TAF8: variants seen among roughly 807,000 people sequenced by gnomAD.
The protein encoded by TAF8 is transcription initiation factor TFIID subunit 8.
Under a neutral mutation model 36.5 loss-of-function variants are expected in TAF8, and 47 were observed. The observed-to-expected ratio is 1.29, with a 90% CI of 1.02 to 1.64. The LOEUF (loss-of-function observed/expected upper bound fraction) is 1.64. Among genes scored for constraint, TAF8 ranks in the 40% most tolerant of loss-of-function variants. The pLI is 0.00. For missense variants in TAF8, 420 were observed against 407.6 expected (o/e 1.03, Z -0.26); for synonymous variants, 175 against 159.5 (o/e 1.10, Z -0.73).
intron 2 of TAF8, among the ~76,000 whole-genome samples, chr6:42,054,219 T>C (rs1314373425): frequency 2.6e-5 from 4 of 152,128 alleles, no homozygotes; most frequent in Non-Finnish European, 5.9e-5. Context: ...ACCTTTCCCC[T>C]TTCCCCAAAA....
chr6:42,059,027 G>A (rs963462528), intron 5 of TAF8, among the ~76,000 whole-genome samples: 6 of 152,118 alleles, frequency 3.9e-5, no homozygotes, highest in Non-Finnish European at 5.9e-5. Flanking sequence ...AGTTTTTAAG[G>A]ATAATGTGGT....
intron 5 of TAF8, among the ~76,000 whole-genome samples, chr6:42,058,213 A>G (rs1392839628): frequency 6.6e-6 from 1 of 152,056 alleles, no homozygotes; most frequent in Non-Finnish European, 1.5e-5. Flanking sequence ...GTGAAACCCC[A>G]TCTCTACTAA....
At chr6:42,057,776 G>GA (rs34302758) in intron 5 of TAF8, 216,873 of 334,850 alleles carry the variant, frequency 0.65, 60,697 homozygotes, top group African/African-American at 0.78. Context: ...AATAAATAAA[G>GA]AAAAAAAAAA....
rs60628172 is a variant in TAF8, at chr6:42,081,190, T to TGTGTGC, written c.*3646_*3647insTGTGCG. On this transcript the variant is annotated 3_prime_UTR_variant, in exon 9 of 9. Coordinates refer to ENST00000372977, the MANE Select transcript of TAF8 (RefSeq NM_138572.3). ...CCTGGAGTGTGTGTGTGTGTGTGTG[T>TGTGTGC]GCGTGTGTGTGCGTGTGAGACAGAG... The TGTGTGC allele has an allele frequency of 3.5e-3, 544 of 154,650 alleles. 4 individuals are homozygous for TGTGTGC. The highest frequency in any genetic ancestry group is 6.3e-3 in the African/African-American group (258 of 41,196). 9.6% of individuals were successfully genotyped at this position (154,650 alleles called of 1,614,324 possible).
chr6:42,056,121 G>A (rs1764979862), intron 4 of TAF8, 107 bp downstream of exon 4: 2 of 757,374 alleles, frequency 2.6e-6, no homozygotes, highest in Admixed American at 2.0e-5. Flanking sequence ...CCTTGTTGTG[G>A]GCTCTCTTCC....
intron 1 of TAF8, 26 bp downstream of exon 1, chr6:42,050,612 A>G: frequency 6.5e-7 from 1 of 1,539,998 alleles, no homozygotes; most frequent in South Asian, 1.2e-5. Flanking sequence ...GCGGGCTCGG[A>G]GCCGAGAGAG....
At chr6:42,062,253 T>G (rs1449768554) in intron 5 of TAF8, among the ~76,000 whole-genome samples, 1 of 152,232 alleles carries the variant, frequency 6.6e-6, no homozygotes, top group Non-Finnish European at 1.5e-5. Context: ...AGTAAGATTT[T>G]CATAAACTTT....
chr6:42,085,127 C>A (rs1433307339), downstream of TAF8, among the ~76,000 whole-genome samples: 1 of 152,158 alleles, frequency 6.6e-6, no homozygotes, highest in Non-Finnish European at 1.5e-5. Context: ...TTTTTTTATA[C>A]ATGAATGGTA....
At chr6:42,059,714 GT>G (rs1765124892) in intron 5 of TAF8, among the ~76,000 whole-genome samples, 1 of 152,188 alleles carries the variant, frequency 6.6e-6, no homozygotes, top group Non-Finnish European at 1.5e-5. Context: ...TCTAAACTAA[GT>G]TTCTCCCAAA....
At chr6:42,085,228 GT>G (rs1766009174), downstream of TAF8, among the ~76,000 whole-genome samples, 4 of 152,096 alleles carry the variant, frequency 2.6e-5, no homozygotes, top group Admixed American at 2.6e-4. Context: ...TTCCTCATTT[GT>G]TTTCATGGCT....
intron 5 of TAF8, among the ~76,000 whole-genome samples, chr6:42,063,917 G>A (rs184151948): frequency 3.7e-4 from 56 of 152,274 alleles, no homozygotes; most frequent in Non-Finnish European, 7.4e-4. Flanking sequence ...TACCATGCCA[G>A]CCTAGAAATC....
chr6:42,079,833 C>T lies in TAF8; in HGVS notation c.*2288C>T, dbSNP rs890721548. 48 of 984,522 alleles carry T rather than the reference C, an allele frequency of 4.9e-5. No individual in the cohort carries two copies. The African/African-American group carries it at 6.5e-4, about 13-fold the overall frequency. 61.0% of individuals were successfully genotyped at this position (984,522 alleles called of 1,614,324 possible). A position where few individuals can be genotyped will look rare whatever the true frequency, so the allele number is the denominator to read the frequency against. Reference sequence around the variant, plus strand: ...CCTTCCAAAGTGTTGAGATTACAGGCGTGAGCCACGGTGCCCAGCCCATCT... The same window carrying T: ...CCTTCCAAAGTGTTGAGATTACAGGTGTGAGCCACGGTGCCCAGCCCATCT... On this transcript the variant is annotated 3_prime_UTR_variant, in exon 9 of 9. Transcript: ENST00000372977.
chr6:42,062,537 T>TTTC (rs1044233887), intron 5 of TAF8, among the ~76,000 whole-genome samples: 1 of 137,430 alleles, frequency 7.3e-6, no homozygotes, highest in Non-Finnish European at 1.6e-5. Context: ...ATCTTTTTTT[T>TTTC]TTTTTTTTTT....
chr6:42,056,382 G>A, intron 4 of TAF8: 2 of 237,610 alleles, frequency 8.4e-6, no homozygotes, highest in Non-Finnish European at 1.7e-5. Context: ...TTATCGGAAT[G>A]CAGCCATATT....
At chr6:42,072,368 A>C (rs187607038) in intron 7 of TAF8, among the ~76,000 whole-genome samples, 22 of 152,340 alleles carry the variant, frequency 1.4e-4, no homozygotes, top group Non-Finnish European at 2.2e-4. Context: ...CAGAGTGTGC[A>C]AAAAGATGTA....
chr6:42,057,533 G>A lies in TAF8; in HGVS notation c.489+20G>A, dbSNP rs1765043320. The A allele has an allele frequency of 6.2e-7, 1 of 1,613,886 alleles. No individual in the cohort carries two copies. The highest frequency in any genetic ancestry group is 1.3e-5 in the African/African-American group (1 of 75,026). On this transcript the variant is annotated intron_variant, in intron 5 of 8. Transcript: ENST00000372977. ...ACTCCGGTGAGTGATGAAGCACTGG[G>A]ACTGCGCGTGGTGTAAAGCACGGAG...
rs1765962160 is a variant in TAF8, at chr6:42,082,883, C to G, written c.*5338C>G. 6.6e-6 allele frequency: 1 copy of G among 152,174 alleles called. No individual in the cohort carries two copies. Among genetic ancestry groups the G allele is most frequent in the Admixed American group, 6.6e-5 (1 of 15,266 alleles). 9.4% of individuals were successfully genotyped at this position (152,174 alleles called of 1,614,324 possible). A position where few individuals can be genotyped will look rare whatever the true frequency, so the allele number is the denominator to read the frequency against. ...GCAGCTGGCCCAGGGTAGAGCTTTACCATGGACCCTGGCGCTCCTGGAAAA... is the reference window on the plus strand; with the variant it reads ...GCAGCTGGCCCAGGGTAGAGCTTTAGCATGGACCCTGGCGCTCCTGGAAAA... On this transcript the variant is annotated 3_prime_UTR_variant, in exon 9 of 9. Transcript: ENST00000372977.
chr6:42,080,997 C>T lies in TAF8; in HGVS notation c.*3452C>T. 2 of 984,040 alleles carry T rather than the reference C, an allele frequency of 2.0e-6. No homozygotes were observed. The highest frequency in any genetic ancestry group is 2.4e-6 in the Non-Finnish European group (2 of 828,702). 61.0% of individuals were successfully genotyped at this position (984,040 alleles called of 1,614,324 possible). The stretch of plus-strand genomic sequence containing the variant: ...CTTAGCCCTTGTGTTGGCCTAAGCA[C>T]ACCTGGGAACTTAGTAAAACTTTTA... On this transcript the variant is annotated 3_prime_UTR_variant, in exon 9 of 9. Transcript: ENST00000372977.
rs1165697677 is a variant in TAF8, at chr6:42,081,188, T to TGC, written c.*3644_*3645insCG. Reference sequence around the variant, plus strand: ...CTCCTGGAGTGTGTGTGTGTGTGTGTGTGCGTGTGTGTGCGTGTGAGACAG... The same window carrying TGC: ...CTCCTGGAGTGTGTGTGTGTGTGTGTGCGTGCGTGTGTGTGCGTGTGAGACAG... On this transcript the variant is annotated 3_prime_UTR_variant, in exon 9 of 9. Coordinates refer to ENST00000372977, the MANE Select transcript of TAF8 (RefSeq NM_138572.3). The TGC allele has an allele frequency of 2.2e-5, 3 of 136,000 alleles. No individual in the cohort carries two copies. The highest frequency in any genetic ancestry group is 4.7e-5 in the Non-Finnish European group (3 of 64,204). The allele number at this position is 136,000 out of a possible 1,614,324, so 8.4% of individuals were successfully genotyped here.
Sources: gnomAD v4.1 joint callset for allele counts (sites outside exome capture counted in the v4.1 genomes callset) on GRCh38, gnomAD v4.1.1 for gene constraint, MANE v1.5 for transcripts, NCBI Gene and HGNC (gene_info 2026-07-23, HGNC 2026-07-21) for gene names.